Variants in RASGRP3 observed in about 807,000 individuals in gnomAD.
The protein encoded by RASGRP3 is RAS guanyl releasing protein 3.
In RASGRP3, 54 loss-of-function variants were observed where a neutral mutation model predicts 82.7. That is an observed-to-expected ratio of 0.65 (90% CI 0.52 to 0.82). RASGRP3 has a LOEUF of 0.82. Among genes scored for constraint, RASGRP3 ranks in the 40% least tolerant of loss-of-function variants. The pLI is 0.00. For synonymous variants in RASGRP3, 309 were observed against 300.5 expected (o/e 1.03, Z -0.29); for missense variants, 861 against 828.9 (o/e 1.04, Z -0.48).
intron 1 of RASGRP3, among the ~76,000 whole-genome samples, chr2:33,490,188 A>G (rs1049486084): frequency 2.6e-4 from 39 of 152,032 alleles, no homozygotes; most frequent in African/African-American, 8.7e-4. Flanking sequence ...AGCTTCCTCT[A>G]CTATGTTCTC....
Position 33,555,664 on chromosome 2 carries a change from C to T in RASGRP3, c.1579+97C>T, listed in dbSNP as rs1574498164. 28 of 1,120,482 alleles carry T rather than the reference C, an allele frequency of 2.5e-5. 1 individual carries two copies. The East Asian group carries it at 4.0e-4, about 16-fold the overall frequency. The allele number at this position is 1,120,482 out of a possible 1,614,324, so 69.4% of individuals were successfully genotyped here. A position where few individuals can be genotyped will look rare whatever the true frequency, so the allele number is the denominator to read the frequency against. On this transcript the variant is annotated intron_variant, in intron 15 of 17. Coordinates refer to ENST00000403687, the MANE Select transcript of RASGRP3 (RefSeq NM_001139488.2). ...AACTACAAAAGCTCTTGCCATTATT[C>T]GGAATTTCAGTCTTTTGGGTCAACG... is the stretch of plus-strand genomic sequence containing the variant.
Position 33,537,330 on chromosome 2 carries a change from C to CACACA in RASGRP3, c.1162-1764_1162-1763insACACA, listed in dbSNP as rs149899270. On this transcript the variant is annotated intron_variant, in intron 11 of 17. Transcript: ENST00000403687. Reference sequence around the variant, plus strand: ...TACACACACACACACACCGCCCCCCCCACACACACACACAAGTATATATAT... The same window carrying CACACA: ...TACACACACACACACACCGCCCCCCCACACACACACACACACACAAGTATATATAT... Among the ~76,000 whole-genome samples the CACACA allele has an allele frequency of 4.7e-3, 446 of 95,706 alleles. 25 individuals carry two copies. The highest frequency in any genetic ancestry group is 0.016 in the African/African-American group (360 of 21,918). The allele number at this position is 95,706 out of a possible 152,430, so 62.8% of individuals were successfully genotyped here. A position where few individuals can be genotyped will look rare whatever the true frequency, so the allele number is the denominator to read the frequency against.
intron 10 of RASGRP3, chr2:33,531,863 T>A (rs561211728): frequency 6.6e-6 from 1 of 150,988 alleles, no homozygotes; most frequent in South Asian, 2.1e-4. Context: ...TGTCATCTCA[T>A]CTCCAGCAGA....
Position 33,539,177 on chromosome 2 carries a change from G to C in RASGRP3, c.1245G>C (p.Thr415=). 1.2e-6 allele frequency: 2 copies of C among 1,609,986 alleles called. No individual in the cohort carries two copies. The highest frequency in any genetic ancestry group is 1.1e-5 in the South Asian group (1 of 89,862). The change falls in exon 12 of 18, where the codon ACG becomes ACC. Residue 415 remains threonine (T), a synonymous_variant. Transcript: ENST00000403687. Reference sequence around the variant, plus strand: ...GGGTGATGCCAAAGCCAGACCCCACGGTCATCAACAAGCACATAAGGAAAT... The same window carrying C: ...GGGTGATGCCAAAGCCAGACCCCACCGTCATCAACAAGCACATAAGGAAAT... ...ALGVMPKPDP[T]VINKHIRKLV...
At chr2:33,538,479 G>A (rs927561050) in intron 11 of RASGRP3, among the ~76,000 whole-genome samples, 1 of 151,302 alleles carries the variant, frequency 6.6e-6, no homozygotes, top group Non-Finnish European at 1.5e-5. Flanking sequence ...CTCCAGCCTG[G>A]GTGACAGAGA....
intron 1 of RASGRP3, among the ~76,000 whole-genome samples, chr2:33,481,013 C>A (rs1276325886): frequency 6.6e-6 from 1 of 152,076 alleles, no homozygotes; most frequent in Admixed American, 6.5e-5. Context: ...GGTATCATCA[C>A]CATTGTTTTC....
chr2:33,472,218 T>G (rs888390957), upstream of RASGRP3, among the ~76,000 whole-genome samples: 2 of 152,192 alleles, frequency 1.3e-5, no homozygotes, highest in African/African-American at 4.8e-5. Flanking sequence ...AAATAAGTCA[T>G]AAGCTTTGTC....
chr2:33,495,331 G>T (rs764754440), intron 1 of RASGRP3, among the ~76,000 whole-genome samples: 6 of 152,198 alleles, frequency 3.9e-5, no homozygotes, highest in Non-Finnish European at 5.9e-5. Flanking sequence ...GCAGTAATTC[G>T]ATTTTCATAA....
chr2:33,526,833 TTTCA>T (rs1672609201), intron 9 of RASGRP3, among the ~76,000 whole-genome samples: 1 of 152,204 alleles, frequency 6.6e-6, no homozygotes, highest in Non-Finnish European at 1.5e-5. Flanking sequence ...ACAGTAATAT[TTTCA>T]TAAATTTCCA....
Position 33,539,087 on chromosome 2 carries a change from T to C in RASGRP3, c.1162-7T>C. On this transcript the variant is annotated splice_region_variant and splice_polypyrimidine_tract_variant and intron_variant, in intron 11 of 17. Transcript: ENST00000403687. Reference sequence around the variant, plus strand: ...GAAAAATATGTGGTTTTTTTTTTGTTTATCAGCAGCCTACCTCCCCTACGA... The same window carrying C: ...GAAAAATATGTGGTTTTTTTTTTGTCTATCAGCAGCCTACCTCCCCTACGA... The C allele has an allele frequency of 6.4e-7, 1 of 1,562,630 alleles. No individual in the cohort carries two copies. Among genetic ancestry groups the C allele is most frequent in the Non-Finnish European group, 8.7e-7 (1 of 1,152,588 alleles).
rs1558506540 is a variant in RASGRP3 at position 33,540,567 on chromosome 2, TGTGTGTG to T, written c.1278+1358_1278+1364del. 1.3e-3 allele frequency among the ~76,000 whole-genome samples: 26 copies of T among 20,004 alleles called. 2 individuals are homozygous for T. Among genetic ancestry groups the T allele is most frequent in the African/African-American group, 5.7e-3 (23 of 4,010 alleles). 13.1% of individuals were successfully genotyped at this position (20,004 alleles called of 152,430 possible). A position where few individuals can be genotyped will look rare whatever the true frequency, so the allele number is the denominator to read the frequency against. On this transcript the variant is annotated intron_variant, in intron 12 of 17. Transcript: ENST00000403687. ...TCTGTGTGTGTGTTTTGTGTGTGTG[TGTGTGTG>T]TGTGTGTGTGTGTGTGTGTGTGTGT...
At chr2:33,495,785 C>T (rs539526889) in intron 1 of RASGRP3, among the ~76,000 whole-genome samples, 1 of 152,282 alleles carries the variant, frequency 6.6e-6, no homozygotes, top group African/African-American at 2.4e-5. Context: ...TCACTTTCCT[C>T]TTAAATCTAC....
At chr2:33,472,869 T>TTAAAAA (rs1667140566), upstream of RASGRP3, among the ~76,000 whole-genome samples, 1 of 66,154 alleles carries the variant, frequency 1.5e-5, no homozygotes. Context: ...AGACTCCGTC[T>TTAAAAA]CAAAAAAAAA....
chr2:33,436,392 A>T (rs1664929194), exon 1 of RASGRP3: 1 of 152,224 alleles, frequency 6.6e-6, no homozygotes, highest in African/African-American at 2.4e-5. Flanking sequence ...GTTAGGCATA[A>T]ACAGCTTGCA....
At position 33,554,631 on chromosome 2, in the gene RASGRP3, A is replaced by C. The variant is rs1040960549; in HGVS notation, c.1543-900A>C. On this transcript the variant is annotated intron_variant, in intron 14 of 17. Coordinates refer to ENST00000403687, the MANE Select transcript of RASGRP3 (RefSeq NM_001139488.2). Reference sequence around the variant, plus strand: ...GGGACCACAGGCGCCCACCATCATGACCAGCTAATTTTTTTGTATTTTTAG... The same window carrying C: ...GGGACCACAGGCGCCCACCATCATGCCCAGCTAATTTTTTTGTATTTTTAG... Among the ~76,000 whole-genome samples, 45 of 151,954 alleles carry C rather than the reference A, an allele frequency of 3.0e-4. 1 individual carries two copies. Among genetic ancestry groups the C allele is most frequent in the Non-Finnish European group, 4.4e-5 (3 of 67,978 alleles).
At chr2:33,560,023 T>C (rs1270444719) in intron 17 of RASGRP3, among the ~76,000 whole-genome samples, 1 of 152,230 alleles carries the variant, frequency 6.6e-6, no homozygotes, top group Non-Finnish European at 1.5e-5. Flanking sequence ...GAAACACTTT[T>C]TTTGTTTCTA....
intron 13 of RASGRP3, among the ~76,000 whole-genome samples, chr2:33,547,076 AG>A (rs1414884546): frequency 1.2e-4 from 16 of 128,500 alleles, no homozygotes; most frequent in African/African-American, 3.8e-4. Flanking sequence ...AAAAAAAAAG[AG>A]AGAGAGAATG....
In RASGRP3 at chr2:33,527,255, T is replaced by G. The variant is rs1553355457; in HGVS notation, c.926T>G (p.Leu309Trp). ...ATCCTTGGAGTACACTTGAAAGACT[T>G]GATAGCTGTCCATGTCATTTTCCCA... ...IPILGVHLKD[L>W]IAVHVIFPDW... is the part of the protein sequence containing the mutation. The change falls in exon 10 of 18, where the codon TTG (leucine) becomes TGG (tryptophan). Residue 309 changes from leucine (L) to tryptophan (W), a missense_variant. Physicochemically the swap from Leu to Trp is moderately conservative, Grantham distance 61. Transcript: ENST00000403687. 1.2e-6 allele frequency: 2 copies of G among 1,614,032 alleles called. No homozygotes were observed. The highest frequency in any genetic ancestry group is 1.7e-6 in the Non-Finnish European group (2 of 1,179,880).
chr2:33,508,368 T>C (rs142521913), intron 1 of RASGRP3, among the ~76,000 whole-genome samples: 4 of 152,174 alleles, frequency 2.6e-5, no homozygotes, highest in East Asian at 1.9e-4. Context: ...AAAAAAAATA[T>C]TGGAGGAAGA....
Sources: gnomAD v4.1 joint callset for allele counts (sites outside exome capture counted in the v4.1 genomes callset) on GRCh38, gnomAD v4.1.1 for gene constraint, MANE v1.5 for transcripts, NCBI Gene and HGNC (gene_info 2026-07-23, HGNC 2026-07-21) for gene names.